FAM193A: variants seen among roughly 807,000 people sequenced by gnomAD.
The protein encoded by FAM193A is protein FAM193A.
A neutral mutation model predicts 126.5 loss-of-function variants in FAM193A; 22 were observed. That is an observed-to-expected ratio of 0.17 (90% CI 0.12 to 0.25). FAM193A has a LOEUF of 0.25. FAM193A is among the 10% of genes least tolerant of loss of function. The pLI, the probability that FAM193A is intolerant of heterozygous loss-of-function variation, is 1.00. For synonymous variants in FAM193A, 761 were observed against 646.8 expected, an observed-to-expected ratio of 1.18 and a Z score of -2.68; for missense variants, 1,675 against 1,672.8, an observed-to-expected ratio of 1.00 and a Z score of -0.02.
At position 2,732,041 on chromosome 4, in the gene FAM193A, G is replaced by A. The variant is rs976596762; in HGVS notation, c.*173G>A. 5.5e-5 allele frequency: 35 copies of A among 640,734 alleles called. No individual in the cohort carries two copies. In the East Asian group the frequency reaches 6.8e-4, roughly 12 times the overall value. 39.7% of individuals were successfully genotyped at this position (640,734 alleles called of 1,614,324 possible). ...GATGCTCGGCCCACGCCGTTAGCTC[G>A]TGTGCGTGTAGTCTGTGCGTGAGAC... is the stretch of plus-strand genomic sequence containing the variant. On this transcript the variant is annotated 3_prime_UTR_variant, in exon 21 of 21. Transcript: ENST00000637812.
At chr4:2,725,480 A>G (rs1336546322) in intron 20 of FAM193A, among the ~76,000 whole-genome samples, 1 of 148,890 alleles carries the variant, frequency 6.7e-6, no homozygotes, top group Non-Finnish European at 1.5e-5. Context: ...AAAAAAAGTA[A>G]TCACACCAGA....
At chr4:2,627,559 C>T (rs567817957) in intron 4 of FAM193A, among the ~76,000 whole-genome samples, 1 of 143,986 alleles carries the variant, frequency 6.9e-6, no homozygotes, top group African/African-American at 2.6e-5. Context: ...ATTTTGAATG[C>T]AGCACATTTG....
chr4:2,556,447 G>C (rs1297041476), intron 1 of FAM193A, among the ~76,000 whole-genome samples: 1 of 151,598 alleles, frequency 6.6e-6, no homozygotes, highest in Non-Finnish European at 1.5e-5. Flanking sequence ...CTCATGATCT[G>C]CCTGCCTTGG....
chr4:2,632,010 A>G (rs995463287), intron 5 of FAM193A, among the ~76,000 whole-genome samples: 1 of 152,070 alleles, frequency 6.6e-6, no homozygotes. Flanking sequence ...CTTTCTTTTA[A>G]TAAAGAAAAG....
intron 1 of FAM193A, among the ~76,000 whole-genome samples, chr4:2,541,863 C>T (rs559823797): frequency 6.6e-6 from 1 of 151,956 alleles, no homozygotes; most frequent in South Asian, 2.1e-4. Flanking sequence ...CAGAGTCTTG[C>T]TCTGTCGCCC....
chr4:2,695,150 C>A, intron 17 of FAM193A, 21 bp downstream of exon 17: 1 of 1,555,362 alleles, frequency 6.4e-7, no homozygotes, highest in South Asian at 1.2e-5. Context: ...GAGGTCAGCG[C>A]ATCATGATGT....
At chr4:2,669,541 A>G (rs1294273764) in intron 12 of FAM193A, among the ~76,000 whole-genome samples, 1 of 152,206 alleles carries the variant, frequency 6.6e-6, no homozygotes, top group Non-Finnish European at 1.5e-5. Flanking sequence ...CCCGGGAGGC[A>G]GAGGTTGCAG....
At chr4:2,668,921 C>T (rs1260267759) in intron 12 of FAM193A, among the ~76,000 whole-genome samples, 2 of 152,076 alleles carry the variant, frequency 1.3e-5, no homozygotes, top group Admixed American at 6.5e-5. Context: ...TGGCTCACTT[C>T]AACCTCCACC....
chr4:2,701,377 A>G (rs1717717631), intron 19 of FAM193A, among the ~76,000 whole-genome samples: 1 of 150,192 alleles, frequency 6.7e-6, no homozygotes, highest in South Asian at 2.1e-4. Context: ...TTTCCTTTGG[A>G]TCGGTTTCTC....
chr4:2,645,192 C>A (rs971664860), intron 6 of FAM193A, among the ~76,000 whole-genome samples: 1 of 152,168 alleles, frequency 6.6e-6, no homozygotes. Context: ...CTTAACCTTG[C>A]GCAGAATCTT....
chr4:2,589,924 C>T (rs1349132261), intron 1 of FAM193A, among the ~76,000 whole-genome samples: 1 of 151,650 alleles, frequency 6.6e-6, no homozygotes, highest in Non-Finnish European at 1.5e-5. Context: ...ATCACGAGGT[C>T]AGGAATTTGA....
At chr4:2,694,255 G>A (rs931853654) in intron 16 of FAM193A, among the ~76,000 whole-genome samples, 27 of 152,006 alleles carry the variant, frequency 1.8e-4, no homozygotes, top group Non-Finnish European at 2.8e-4. Context: ...ACACTCAACA[G>A]GTGTGTTTTT....
intron 18 of FAM193A, among the ~76,000 whole-genome samples, chr4:2,699,464 AT>A (rs1264418776): frequency 2.7e-5 from 4 of 145,796 alleles, no homozygotes; most frequent in Non-Finnish European, 4.5e-5. Context: ...ACACACACAA[AT>A]AAGTAAGCAT....
chr4:2,728,896 CTTTTTT>C (rs34029424), intron 20 of FAM193A, among the ~76,000 whole-genome samples: 8 of 97,148 alleles, frequency 8.2e-5, no homozygotes, highest in East Asian at 2.7e-4. Flanking sequence ...ACCTCCAAAA[CTTTTTT>C]TTTTTTTTTT....
chr4:2,589,370 G>A (rs1377607763), intron 1 of FAM193A, among the ~76,000 whole-genome samples: 1 of 152,126 alleles, frequency 6.6e-6, no homozygotes, highest in African/African-American at 2.4e-5. Context: ...GGTTTTCTCT[G>A]TTTATTCTAA....
chr4:2,731,269 T>G (rs1721359798), intron 20 of FAM193A, among the ~76,000 whole-genome samples: 1 of 148,588 alleles, frequency 6.7e-6, no homozygotes, highest in Non-Finnish European at 1.5e-5. Context: ...CTTGGGAGGC[T>G]GAGGCAGAGA....
At chr4:2,727,184 C>T (rs946876888) in intron 20 of FAM193A, among the ~76,000 whole-genome samples, 8 of 151,354 alleles carry the variant, frequency 5.3e-5, no homozygotes, top group South Asian at 2.1e-4. Context: ...GCTTGAACCC[C>T]GGAGGCGGAG....
intron 1 of FAM193A, among the ~76,000 whole-genome samples, chr4:2,569,849 TC>T (rs1328944550): frequency 6.6e-6 from 1 of 152,166 alleles, no homozygotes; most frequent in Non-Finnish European, 1.5e-5. Context: ...TTGGTTGGAC[TC>T]CAGTATTACC....
rs888498191 is a variant in FAM193A, at chr4:2,543,941, T to C, written c.255+6771T>C. ...CAGCGTATCCTCTGCTTTGATGGTATGATCGTTGTATAAACATGCTGGTAT... is the reference window on the plus strand; with the variant it reads ...CAGCGTATCCTCTGCTTTGATGGTACGATCGTTGTATAAACATGCTGGTAT... On this transcript the variant is annotated intron_variant, in intron 1 of 20. Coordinates refer to ENST00000637812, the MANE Select transcript of FAM193A (RefSeq NM_001366318.2). Among the ~76,000 whole-genome samples the C allele has an allele frequency of 3.3e-5, 5 of 150,776 alleles. No individual in the cohort carries two copies. The East Asian group carries it at 7.8e-4, about 24-fold the overall frequency.
Sources: allele counts gnomAD v4.1 joint callset (sites outside exome capture counted in the v4.1 genomes callset), GRCh38; gene constraint gnomAD v4.1.1; transcripts MANE v1.5; gene names NCBI Gene and HGNC (gene_info 2026-07-23, HGNC 2026-07-21).